WWOX: variants seen among roughly 807,000 people sequenced by gnomAD.
The protein encoded by WWOX is WW domain-containing oxidoreductase.
WWOX carries 69 observed loss-of-function variants against 46.2 expected under a neutral mutation model. That is an observed-to-expected ratio of 1.49 (90% CI 1.23 to 1.82). The LOEUF is 1.82. WWOX is among the 40% of genes most tolerant of loss of function. WWOX has a pLI of 0.00. For synonymous variants in WWOX, 359 were observed against 202.6 expected (o/e 1.77, Z -6.56); for missense variants, 919 against 542.6 (o/e 1.69, Z -6.89).
At chr16:78,959,287 C>G (rs1261569873) in intron 8 of WWOX, among the ~76,000 whole-genome samples, 1 of 152,132 alleles carries the variant, frequency 6.6e-6, no homozygotes, top group East Asian at 1.9e-4. Context: ...ATTTATTTTT[C>G]AAAAGGCATG....
intron 8 of WWOX, among the ~76,000 whole-genome samples, chr16:78,910,451 A>G (rs2045079786): frequency 6.6e-6 from 1 of 151,378 alleles, no homozygotes; most frequent in South Asian, 2.1e-4. Context: ...AACCTTGTTC[A>G]TCCGTATTAG....
chr16:78,850,764 T>C (rs528243655), intron 8 of WWOX, among the ~76,000 whole-genome samples: 6 of 152,302 alleles, frequency 3.9e-5, no homozygotes, highest in South Asian at 2.1e-4. Context: ...CCCAATCTTA[T>C]TGGGACAAAC....
At position 78,788,890 on chromosome 16, in the gene WWOX, C is replaced by G. The variant is rs143139934; in HGVS notation, c.1056+356138C>G. Among the ~76,000 whole-genome samples, 1,493 of 152,306 alleles carry G rather than the reference C, an allele frequency of 9.8e-3. 20 individuals are homozygous for G. Among genetic ancestry groups the G allele is most frequent in the African/African-American group, 0.034 (1,424 of 41,560 alleles). On this transcript the variant is annotated intron_variant, in intron 8 of 8. Transcript: ENST00000566780. ...ACAGTGTCAGGATTGAATTGGAGGA[C>G]TCCCAGCTGCTGTCCCCTGCTTAGT...
intron 8 of WWOX, among the ~76,000 whole-genome samples, chr16:78,745,522 C>CTTTTTTTTTTT (rs5818168): frequency 4.5e-3 from 416 of 92,700 alleles, no homozygotes; most frequent in African/African-American, 8.2e-3. Context: ...TGTGGAAATC[C>CTTTTTTTTTTT]TTTTTTTTTT....
chr16:78,572,045 T>C (rs1458853138), intron 8 of WWOX, among the ~76,000 whole-genome samples: 1 of 152,188 alleles, frequency 6.6e-6, no homozygotes, highest in Non-Finnish European at 1.5e-5. Flanking sequence ...CGTAATAAAG[T>C]AGTACTTAGC....
At chr16:78,501,711 ACTTTTATT>A (rs1165842022) in intron 8 of WWOX, among the ~76,000 whole-genome samples, 3 of 151,964 alleles carry the variant, frequency 2.0e-5, no homozygotes, top group Admixed American at 6.6e-5. Flanking sequence ...TAATTTTTGT[ACTTTTATT>A]AGAGACAGAG....
intron 8 of WWOX, among the ~76,000 whole-genome samples, chr16:79,196,819 C>G (rs1182545543): frequency 1.3e-5 from 2 of 152,114 alleles, no homozygotes; most frequent in Non-Finnish European, 2.9e-5. Context: ...AAAGGGAGCA[C>G]AATTCCCTGG....
chr16:79,081,979 C>T (rs186739599), intron 8 of WWOX, among the ~76,000 whole-genome samples: 209 of 152,250 alleles, frequency 1.4e-3, no homozygotes, highest in Admixed American at 2.6e-3. Flanking sequence ...CAGATTCATA[C>T]GCCAGAACCA....
chr16:79,158,708 A>C (rs983667448), intron 8 of WWOX, among the ~76,000 whole-genome samples: 8 of 152,198 alleles, frequency 5.3e-5, no homozygotes, highest in African/African-American at 1.9e-4. Context: ...GTCAGATCTC[A>C]GATTAATTGT....
intron 8 of WWOX, among the ~76,000 whole-genome samples, chr16:78,503,368 G>T (rs16919): frequency 8.6e-5 from 13 of 152,036 alleles, no homozygotes; most frequent in African/African-American, 2.9e-4. Flanking sequence ...ATTTAGTTCA[G>T]ATAATACATA....
rs540890945 is a variant in WWOX at position 79,152,716 on chromosome 16, C to T, written c.1057-58892C>T. 7.2e-5 allele frequency among the ~76,000 whole-genome samples: 11 copies of T among 152,062 alleles called. No homozygotes were observed. In the East Asian group the frequency reaches 1.8e-3, roughly 24 times the overall value. On this transcript the variant is annotated intron_variant, in intron 8 of 8. Transcript: ENST00000566780. The stretch of plus-strand genomic sequence containing the variant: ...AAAACCTGCCCTGCCCAGCCATGCC[C>T]AAACAGAGTGGCCAGCAGTCAGCTT...
intron 8 of WWOX, among the ~76,000 whole-genome samples, chr16:78,505,708 C>G (rs2085182291): frequency 6.7e-6 from 1 of 149,864 alleles, no homozygotes; most frequent in Admixed American, 6.6e-5. Context: ...TCTCTGCTCT[C>G]CCTAGCACAG....
intron 5 of WWOX, among the ~76,000 whole-genome samples, chr16:78,311,820 A>G (rs961689966): frequency 6.6e-6 from 1 of 152,208 alleles, no homozygotes; most frequent in Non-Finnish European, 1.5e-5. Flanking sequence ...TGTGGCTGCC[A>G]TAACAAAGTT....
intron 8 of WWOX, among the ~76,000 whole-genome samples, chr16:78,970,161 C>T (rs1486238087): frequency 6.6e-6 from 1 of 152,144 alleles, no homozygotes; most frequent in African/African-American, 2.4e-5. Context: ...GGCCTGTCAC[C>T]TCTACCCCAC....
intron 5 of WWOX, among the ~76,000 whole-genome samples, chr16:78,383,477 A>C (rs2081997758): frequency 6.6e-6 from 1 of 152,142 alleles, no homozygotes; most frequent in East Asian, 1.9e-4. Flanking sequence ...ACCTGGGAGG[A>C]AATCTCACCT....
intron 6 of WWOX, among the ~76,000 whole-genome samples, chr16:78,411,756 A>T (rs1184227968): frequency 1.3e-5 from 2 of 152,218 alleles, no homozygotes; most frequent in African/African-American, 2.4e-5. Flanking sequence ...TATTGCAGTG[A>T]CTACACCTAA....
chr16:78,995,927 A>G (rs2046979960), intron 8 of WWOX, among the ~76,000 whole-genome samples: 1 of 152,168 alleles, frequency 6.6e-6, no homozygotes, highest in Admixed American at 6.5e-5. Context: ...TACCTCTGTG[A>G]CAGTTCGATT....
chr16:78,998,605 G>A (rs1428263507), intron 8 of WWOX, among the ~76,000 whole-genome samples: 1 of 152,188 alleles, frequency 6.6e-6, no homozygotes, highest in Admixed American at 6.5e-5. Flanking sequence ...CAATTTCTTA[G>A]TATATACAAT....
At position 78,155,003 on chromosome 16, in the gene WWOX, A is replaced by T. The variant is rs528767684; in HGVS notation, c.410-9180A>T. Among the ~76,000 whole-genome samples the T allele has an allele frequency of 5.9e-5, 9 of 152,160 alleles. No homozygotes were observed. The South Asian group carries it at 1.9e-3, about 32-fold the overall frequency. On this transcript the variant is annotated intron_variant, in intron 4 of 8. Coordinates refer to ENST00000566780, the MANE Select transcript of WWOX (RefSeq NM_016373.4). The stretch of plus-strand genomic sequence containing the variant: ...CAACATGACCAACTAGAAAGCCCAA[A>T]CCCCACCTCTAGCTGACAGTGGCTT...
Sources: allele counts gnomAD v4.1 joint callset (sites outside exome capture counted in the v4.1 genomes callset), GRCh38; gene constraint gnomAD v4.1.1; transcripts MANE v1.5; gene names NCBI Gene and HGNC (gene_info 2026-07-23, HGNC 2026-07-21).